MCM7: variants seen among roughly 807,000 people sequenced by gnomAD.
MCM7 encodes the protein minichromosome maintenance complex component 7.
A neutral mutation model predicts 83.5 loss-of-function variants in MCM7; 95 were observed. The observed-to-expected ratio is 1.14, with a 90% CI of 0.96 to 1.35. The LOEUF is 1.35. MCM7 is among the 40% of genes most tolerant of loss of function. The probability of loss-of-function intolerance (pLI) is 0.00; values close to 1 mark genes in which losing one functional copy is unlikely to be tolerated. For synonymous variants in MCM7, 461 were observed against 352.7 expected, an observed-to-expected ratio of 1.31 and a Z score of -3.44; for missense variants, 1,087 against 957.4, an observed-to-expected ratio of 1.14 and a Z score of -1.79.
chr7:100,097,031 G>A (rs1409168279), intron 10 of MCM7, among the ~76,000 whole-genome samples: 1 of 152,208 alleles, frequency 6.6e-6, no homozygotes, highest in Non-Finnish European at 1.5e-5. Flanking sequence ...ACCCCAGGAG[G>A]TGGAGCTTGC....
chr7:100,093,777 C>T (rs776680847), intron 13 of MCM7: 2 of 610,814 alleles, frequency 3.3e-6, no homozygotes, highest in South Asian at 1.4e-5. Flanking sequence ...CCCGGGGGCT[C>T]GGGAAGTGCT....
chr7:100,098,395 A>G (rs1040188432), intron 6 of MCM7, 105 bp from the exon 7 acceptor site: 195 of 1,511,224 alleles, frequency 1.3e-4, no homozygotes, highest in Middle Eastern at 8.2e-4. Flanking sequence ...AGCCACAGAC[A>G]AGCCCACAGC....
At position 100,093,088 on chromosome 7, in the gene MCM7, C is replaced by G. The variant is rs1286665742; in HGVS notation, c.2004G>C (p.Leu668=). 6.2e-7 allele frequency: 1 copy of G among 1,614,084 alleles called. No individual in the cohort carries two copies. The highest frequency in any genetic ancestry group is 1.7e-5 in the Admixed American group (1 of 60,002). ...ACCGGACACTTCGGCCCCCTGAGAC[C>G]AGTTCACGGACGGTGGCAAATATCA... ...ADVIFATVRE[L]VSGGRSVRFS... Residue 668 remains leucine, a synonymous_variant, in exon 15 of 15, where the codon CTG becomes CTC. Transcript: ENST00000303887.
intron 12 of MCM7, 66 bp from the exon 13 acceptor site, chr7:100,094,407 G>A: frequency 6.3e-7 from 1 of 1,578,788 alleles, no homozygotes; most frequent in South Asian, 1.1e-5. Flanking sequence ...ATGAGCCCAT[G>A]TTGTTTTCTG....
chr7:100,092,853 C>T lies in MCM7; in HGVS notation c.*79G>A. 1 of 1,491,074 alleles carries T rather than the reference C, an allele frequency of 6.7e-7. No individual in the cohort carries two copies. 92.4% of individuals were successfully genotyped at this position (1,491,074 alleles called of 1,614,324 possible). ...GGAGAAAGAGGGGCTCCTCCTTCCC[C>T]TCAAAGGCATCACTGCCCCTTCCCA... On this transcript the variant is annotated 3_prime_UTR_variant, in exon 15 of 15. Coordinates refer to ENST00000303887, the MANE Select transcript of MCM7 (RefSeq NM_005916.5).
intron 2 of MCM7, 58 bp downstream of exon 2, chr7:100,099,956 T>C (rs1254463906): frequency 6.6e-7 from 1 of 1,511,156 alleles, no homozygotes; most frequent in Non-Finnish European, 9.2e-7. Flanking sequence ...GCCAAGCTGC[T>C]GCTTATGGCT....
intron 1 of MCM7, 177 bp from the exon 2 acceptor site, chr7:100,100,270 A>T: frequency 7.2e-7 from 1 of 1,381,382 alleles, no homozygotes; most frequent in Non-Finnish European, 9.4e-7. Flanking sequence ...TAACCAGCGA[A>T]GAATAAAGAG....
At chr7:100,096,338 C>G (rs555879730) in intron 10 of MCM7, among the ~76,000 whole-genome samples, 171 bp from the exon 11 acceptor site, 1 of 152,284 alleles carries the variant, frequency 6.6e-6, no homozygotes, top group Admixed American at 6.5e-5. Flanking sequence ...TGTCCCCCTT[C>G]CCCTCCCACT....
At chr7:100,100,814 C>T in intron 1 of MCM7, 1 of 999,842 alleles carries the variant, frequency 1.0e-6, no homozygotes, top group Non-Finnish European at 1.2e-6. Context: ...GGAGGGCGGC[C>T]TCAAACGGCC....
At chr7:100,100,910 A>C in intron 1 of MCM7, 2 of 1,051,250 alleles carry the variant, frequency 1.9e-6, no homozygotes, top group Non-Finnish European at 2.3e-6. Flanking sequence ...GAATGCCCAA[A>C]AGCGCGAAGG....
Position 100,100,084 on chromosome 7 carries a change from T to C in MCM7, c.41A>G (p.Lys14Arg). Residue 14 changes from lysine (K) to arginine (R), a missense_variant, in exon 2 of 15, where the codon AAG becomes AGG. Transcript: ENST00000303887. ...CTGGTAGAACTCTTGTAAGAACTTC[T>C]TAACCTTTTCTGTAACATGAAATGT... ...KDYALEKEKV[K>R]KFLQEFYQDD... is the part of the protein sequence containing the mutation. 4 of 1,614,110 alleles carry C rather than the reference T, an allele frequency of 2.5e-6. No homozygotes were observed. The highest frequency in any genetic ancestry group is 3.4e-6 in the Non-Finnish European group (4 of 1,180,006).
intron 1 of MCM7, chr7:100,100,453 G>T: frequency 3.0e-6 from 3 of 1,000,498 alleles, no homozygotes; most frequent in Non-Finnish European, 3.6e-6. Flanking sequence ...CTTAGCCCCT[G>T]ATTTCACCGG....
At position 100,100,051 on chromosome 7, in the gene MCM7, T is replaced by G. The variant is rs1795878987; in HGVS notation, c.74A>C (p.Glu25Ala). 1.2e-6 allele frequency: 2 copies of G among 1,614,190 alleles called. No homozygotes were observed. The highest frequency in any genetic ancestry group is 1.3e-5 in the African/African-American group (1 of 75,056). The change falls in exon 2 of 15, where the codon GAA becomes GCA. Residue 25 changes from glutamate to alanine, a missense_variant. Coordinates refer to ENST00000303887, the MANE Select transcript of MCM7 (RefSeq NM_005916.5). ...KFLQEFYQDD[E>A]LGKKQFKYGN... ...ATACTTGAACTGCTTCTTCCCGAGT[T>G]CATCATCCTGGTAGAACTCTTGTAA...
In MCM7 at chr7:100,101,246, G is replaced by C; in HGVS notation, c.31+18C>G. On this transcript the variant is annotated intron_variant, in intron 1 of 14. Coordinates refer to ENST00000303887, the MANE Select transcript of MCM7 (RefSeq NM_005916.5). ...GGCTCCCCGCGCAGGACGCCCTCCC[G>C]GGCTCGTAGACCCGTACCCTTCTCT... 1 of 1,613,008 alleles carries C rather than the reference G, an allele frequency of 6.2e-7. No individual in the cohort carries two copies.
At position 100,098,686 on chromosome 7, in the gene MCM7, G is replaced by C; in HGVS notation, c.612C>G (p.Ile204Met). Residue 204 changes from isoleucine to methionine, a missense_variant, in exon 6 of 15, where the codon ATC (isoleucine) becomes ATG (methionine). By Grantham distance (10) the Ile-to-Met change is conservative. Coordinates refer to ENST00000303887, the MANE Select transcript of MCM7 (RefSeq NM_005916.5). Reference sequence around the variant, plus strand: ...TTTGGCACTCCTGGCTTGGGCACATGATCAGAGGCATGAAAGTGGGAGACT... The same window carrying C: ...TTTGGCACTCCTGGCTTGGGCACATCATCAGAGGCATGAAAGTGGGAGACT... ...PIQSPTFMPL[I>M]MCPSQECQTN... 1.2e-6 allele frequency: 2 copies of C among 1,614,096 alleles called. No homozygotes were observed. Among genetic ancestry groups the C allele is most frequent in the Non-Finnish European group, 1.7e-6 (2 of 1,180,018 alleles).
Position 100,097,716 on chromosome 7 carries a change from A to C in MCM7, c.1015T>G (p.Ser339Ala). The C allele has an allele frequency of 1.2e-6, 2 of 1,614,164 alleles. No individual in the cohort carries two copies. The highest frequency in any genetic ancestry group is 1.7e-6 in the Non-Finnish European group (2 of 1,180,030). ...EEDFYEKLAASIAPEIYGHED... is the reference protein window; with the variant it reads ...EEDFYEKLAAAIAPEIYGHED... ...TGCCCGTATATTTCTGGGGCGATTG[A>C]AGCTGCCAGCTTTTCGTAGAAATCC... Residue 339 changes from serine to alanine, a missense_variant, in exon 9 of 15, where the codon TCA becomes GCA. Coordinates refer to ENST00000303887, the MANE Select transcript of MCM7 (RefSeq NM_005916.5).
intron 1 of MCM7, chr7:100,100,364 C>T: frequency 9.0e-7 from 1 of 1,116,332 alleles, no homozygotes; most frequent in Non-Finnish European, 1.1e-6. Context: ...GCGCCCTTCC[C>T]CGTTGGCCCC....
rs1358428239 is a variant in MCM7 at position 100,099,294 on chromosome 7, T to A, written c.386A>T (p.Glu129Val). 1 of 1,613,920 alleles carries A rather than the reference T, an allele frequency of 6.2e-7. No individual in the cohort carries two copies. The highest frequency in any genetic ancestry group is 8.5e-7 in the Non-Finnish European group (1 of 1,180,008). Residue 129 changes from glutamate to valine, a missense_variant, in exon 4 of 15, where the codon GAA becomes GTA. By Grantham distance (121) the Glu-to-Val change is moderately radical. Transcript: ENST00000303887. ...VRSPQNQYPAELMRRFELYFQ... is the reference protein window; with the variant it reads ...VRSPQNQYPAVLMRRFELYFQ... The stretch of plus-strand genomic sequence containing the variant: ...GACCACTCACAATCTGCGCATGAGT[T>A]CAGCAGGGTACTGGTTCTGGGGGCT...
chr7:100,095,141 T>C (rs1392486808), intron 12 of MCM7, among the ~76,000 whole-genome samples: 1 of 152,138 alleles, frequency 6.6e-6, no homozygotes, highest in Admixed American at 6.5e-5. Flanking sequence ...ATCACTACAC[T>C]CCAGCCTGGG....
Sources: gnomAD v4.1 joint callset for allele counts (sites outside exome capture counted in the v4.1 genomes callset) on GRCh38, gnomAD v4.1.1 for gene constraint, MANE v1.5 for transcripts, NCBI Gene and HGNC (gene_info 2026-07-23, HGNC 2026-07-21) for gene names.